TDRP: variants seen among roughly 807,000 people sequenced by gnomAD.
TDRP encodes the protein testis development-related protein.
A neutral mutation model predicts 10.5 loss-of-function variants in TDRP; 12 were observed. The ratio of observed to expected loss-of-function variants is 1.15; its 90% CI spans 0.73 to 1.86. The LOEUF (loss-of-function observed/expected upper bound fraction) is 1.86, where lower values mean the gene tolerates loss of function less well. TDRP is among the 40% of genes most tolerant of loss of function. The pLI is 0.00. For missense variants in TDRP, 353 were observed against 229.2 expected (o/e 1.54, Z -3.49); for synonymous variants, 139 against 95.4 (o/e 1.46, Z -2.67).
chr8:544,417 G>A (rs1372475800), intron 1 of TDRP, among the ~76,000 whole-genome samples: 2 of 152,198 alleles, frequency 1.3e-5, no homozygotes, highest in South Asian at 2.1e-4. Context: ...CGGGGAGTGG[G>A]TCCACGCGGA....
chr8:502,732 G>C (rs1801338542), intron 1 of TDRP, among the ~76,000 whole-genome samples: 1 of 151,342 alleles, frequency 6.6e-6, no homozygotes, highest in Non-Finnish European at 1.5e-5. Flanking sequence ...AGAATCCAGA[G>C]CCACACAATG....
Position 491,780 on chromosome 8 carries a change from G to A in TDRP, c.*619C>T. ...AAAAGAACCACTGTTACTATCCAGT[G>A]GACATACAAGAAGCTATTCCTCCCT... On this transcript the variant is annotated 3_prime_UTR_variant, in exon 3 of 3. Coordinates refer to ENST00000324079, the MANE Select transcript of TDRP (RefSeq NM_001384899.1). 2 of 1,307,628 alleles carry A rather than the reference G, an allele frequency of 1.5e-6. No homozygotes were observed. Among genetic ancestry groups the A allele is most frequent in the African/African-American group, 1.5e-5 (1 of 66,260 alleles). The allele number at this position is 1,307,628 out of a possible 1,614,324, so 81.0% of individuals were successfully genotyped here.
chr8:508,375 A>G (rs1801522335), intron 1 of TDRP, among the ~76,000 whole-genome samples: 1 of 152,242 alleles, frequency 6.6e-6, no homozygotes, highest in South Asian at 2.1e-4. Context: ...GGTAATTTAT[A>G]AAGAAAAGCA....
At chr8:504,521 T>G (rs545925639) in intron 1 of TDRP, among the ~76,000 whole-genome samples, 2 of 152,302 alleles carry the variant, frequency 1.3e-5, no homozygotes, top group African/African-American at 4.8e-5. Flanking sequence ...TGGATCCAGT[T>G]TGCAGAATGT....
chr8:541,307 C>T (rs561793816), intron 1 of TDRP, among the ~76,000 whole-genome samples: 1 of 152,240 alleles, frequency 6.6e-6, no homozygotes, highest in East Asian at 1.9e-4. Flanking sequence ...ATAAAAACCA[C>T]AGTCAAAATT....
At chr8:496,574 C>T (rs1410720861) in intron 1 of TDRP, among the ~76,000 whole-genome samples, 1 of 152,226 alleles carries the variant, frequency 6.6e-6, no homozygotes, top group Non-Finnish European at 1.5e-5. Flanking sequence ...GTTCCCCATT[C>T]CCAGGCCTGC....
At chr8:539,920 T>C (rs1802448810) in intron 1 of TDRP, among the ~76,000 whole-genome samples, 1 of 152,260 alleles carries the variant, frequency 6.6e-6, no homozygotes, top group African/African-American at 2.4e-5. Context: ...CCTTGATGTC[T>C]TTTTTCTTTG....
chr8:539,265 T>C (rs1015956775), intron 1 of TDRP, among the ~76,000 whole-genome samples: 2 of 152,052 alleles, frequency 1.3e-5, no homozygotes, highest in Admixed American at 1.3e-4. Flanking sequence ...TGTCCTAATA[T>C]GGTGGTAAGA....
chr8:532,212 G>T (rs781108021), intron 1 of TDRP, among the ~76,000 whole-genome samples: 20 of 152,148 alleles, frequency 1.3e-4, no homozygotes, highest in Admixed American at 3.9e-4. Flanking sequence ...ATCCAGGAAG[G>T]TGCCTGTGTT....
intron 1 of TDRP, among the ~76,000 whole-genome samples, chr8:525,913 C>T (rs1168936065): frequency 2.0e-5 from 3 of 152,134 alleles, no homozygotes; most frequent in African/African-American, 7.2e-5. Context: ...TGGAATTCAG[C>T]AGTGAAGCCA....
At chr8:513,738 T>C (rs143769142) in intron 1 of TDRP, among the ~76,000 whole-genome samples, 1 of 152,150 alleles carries the variant, frequency 6.6e-6, no homozygotes, top group Non-Finnish European at 1.5e-5. Flanking sequence ...ATCTTTTGCA[T>C]ACAAAATATG....
chr8:545,730 G>A (rs1802635883), upstream of TDRP: 1 of 152,038 alleles, frequency 6.6e-6, no homozygotes, highest in African/African-American at 2.4e-5. Context: ...GCCCAGCCCT[G>A]GTGGGCGGTG....
intron 1 of TDRP, among the ~76,000 whole-genome samples, chr8:503,850 C>T (rs559600711): frequency 6.7e-6 from 1 of 150,098 alleles, no homozygotes; most frequent in Non-Finnish European, 1.5e-5. Flanking sequence ...AACCAATGCC[C>T]ACCTCTGCAC....
At chr8:530,842 C>G (rs1323294372) in intron 1 of TDRP, among the ~76,000 whole-genome samples, 2 of 152,198 alleles carry the variant, frequency 1.3e-5, no homozygotes, top group Non-Finnish European at 2.9e-5. Context: ...TCCACTCTTC[C>G]CATTCCTGCC....
At chr8:530,082 T>C (rs915542729) in intron 1 of TDRP, among the ~76,000 whole-genome samples, 5 of 152,156 alleles carry the variant, frequency 3.3e-5, no homozygotes, top group African/African-American at 1.2e-4. Context: ...ATTTGATGAA[T>C]TTAAATGAGC....
chr8:515,328 T>C (rs147866117), intron 1 of TDRP, among the ~76,000 whole-genome samples: 1 of 152,342 alleles, frequency 6.6e-6, no homozygotes, highest in Non-Finnish European at 1.5e-5. Context: ...TATGAGTATA[T>C]ACATTATGCA....
chr8:535,751 C>T lies in TDRP; in HGVS notation c.108+8899G>A, dbSNP rs1471550128. Among the ~76,000 whole-genome samples, 6 of 147,308 alleles carry T rather than the reference C, an allele frequency of 4.1e-5. No homozygotes were observed. The East Asian group carries it at 6.1e-4, about 15-fold the overall frequency. On this transcript the variant is annotated intron_variant, in intron 1 of 2. Transcript: ENST00000324079. ...GTCTGAGCGTAGGGGTGGGCCCACC[C>T]GAGGCAGGTCTCAGCGTAGGGGTGG... is the stretch of plus-strand genomic sequence containing the variant.
intron 1 of TDRP, among the ~76,000 whole-genome samples, chr8:503,479 T>C (rs1211188048): frequency 3.0e-4 from 25 of 82,826 alleles, no homozygotes; most frequent in African/African-American, 4.3e-4. Context: ...TCTAGAGCCA[T>C]GCATCGGAAC....
chr8:522,420 G>C (rs568933966), intron 1 of TDRP, among the ~76,000 whole-genome samples: 1 of 152,318 alleles, frequency 6.6e-6, no homozygotes, highest in South Asian at 2.1e-4. Flanking sequence ...TCTGTGGCTA[G>C]TGAGACTCAT....
Sources: gnomAD v4.1 joint callset for allele counts (sites outside exome capture counted in the v4.1 genomes callset) on GRCh38, gnomAD v4.1.1 for gene constraint, MANE v1.5 for transcripts, NCBI Gene and HGNC (gene_info 2026-07-23, HGNC 2026-07-21) for gene names.